The following AQP7B variants were observed in gnomAD, a reference collection of about 807,000 sequenced individuals.
AQP7B encodes the protein aquaporin 7B, also known as putative aquaporin-7B.
At chr2:94,603,617 C>A in the AQP7B span, 5 of 1,309,932 alleles carry the variant, frequency 3.8e-6, no homozygotes, top group South Asian at 1.5e-5. Flanking sequence ...TGTACTGAGA[C>A]GTCTCTCTGC....
the AQP7B span, among the ~76,000 whole-genome samples, chr2:94,602,783 G>C: frequency 4.4e-4 from 67 of 152,276 alleles, no homozygotes; most frequent in Admixed American, 1.0e-3. Flanking sequence ...GTCTGCCCCA[G>C]ATTCTTTCTG....
the AQP7B span, among the ~76,000 whole-genome samples, chr2:94,591,908 C>T: frequency 5.1e-4 from 77 of 152,334 alleles, no homozygotes; most frequent in African/African-American, 1.8e-3. Context: ...TGGGGCAATG[C>T]TCATCACACT....
the AQP7B span, among the ~76,000 whole-genome samples, chr2:94,591,354 G>A: frequency 2.0e-5 from 3 of 152,144 alleles, no homozygotes; most frequent in Admixed American, 6.5e-5. Flanking sequence ...GGACCTGAGG[G>A]CATCGCTGAG....
chr2:94,590,587 C>T, the AQP7B span, among the ~76,000 whole-genome samples: 2 of 152,038 alleles, frequency 1.3e-5, no homozygotes, highest in African/African-American at 4.8e-5. Context: ...TTAGATAATT[C>T]AATGAGTTAA....
the AQP7B span, among the ~76,000 whole-genome samples, chr2:94,591,563 A>T: frequency 6.6e-6 from 1 of 151,992 alleles, no homozygotes; most frequent in Non-Finnish European, 1.5e-5. Flanking sequence ...CTCCTGCTGA[A>T]ATCCTCCACT....
chr2:94,604,374 G>A, the AQP7B span: 13 of 1,611,352 alleles, frequency 8.1e-6, no homozygotes, highest in Admixed American at 1.7e-5. Context: ...GTCTTCATTG[G>A]CTCCACCATC....
chr2:94,602,384 C>A, the AQP7B span: 5 of 1,180,644 alleles, frequency 4.2e-6, no homozygotes, highest in Non-Finnish European at 5.8e-6. Context: ...CCAGGCAATG[C>A]CAGGGAGGCC....
the AQP7B span, among the ~76,000 whole-genome samples, chr2:94,602,116 C>T: frequency 6.6e-6 from 1 of 151,210 alleles, no homozygotes; most frequent in Non-Finnish European, 1.5e-5. Context: ...AAGAAACTTC[C>T]TTCAGGTCAG....
chr2:94,590,036 C>T, the AQP7B span, among the ~76,000 whole-genome samples: 1 of 152,240 alleles, frequency 6.6e-6, no homozygotes, highest in Non-Finnish European at 1.5e-5. Flanking sequence ...CCTCCCATGC[C>T]TCCCCTGAGC....
the AQP7B span, among the ~76,000 whole-genome samples, chr2:94,602,162 A>T: frequency 1.3e-5 from 2 of 151,886 alleles, no homozygotes; most frequent in Non-Finnish European, 2.9e-5. Flanking sequence ...GGTGCAATGC[A>T]TGCCAGCCAT....
chr2:94,600,925 A>T, the AQP7B span, among the ~76,000 whole-genome samples: 1 of 151,794 alleles, frequency 6.6e-6, no homozygotes, highest in East Asian at 1.9e-4. Context: ...ACATGCCCAT[A>T]GTCCCAACTA....
the AQP7B span, among the ~76,000 whole-genome samples, chr2:94,596,616 G>A: frequency 2.6e-5 from 4 of 152,298 alleles, no homozygotes; most frequent in South Asian, 2.1e-4. Context: ...TTAGACCTTC[G>A]TGGGCTTTGG....
the AQP7B span, among the ~76,000 whole-genome samples, chr2:94,596,957 C>T: frequency 2.0e-5 from 3 of 152,168 alleles, no homozygotes; most frequent in African/African-American, 7.2e-5. Context: ...GCCTCGGCCT[C>T]CCAAAGTGCT....
the AQP7B span, among the ~76,000 whole-genome samples, chr2:94,596,611 C>A: frequency 6.6e-6 from 1 of 152,154 alleles, no homozygotes; most frequent in Admixed American, 6.5e-5. Context: ...TAGAATTAGA[C>A]CTTCGTGGGC....
chr2:94,588,973 G>GTTTT, the AQP7B span, among the ~76,000 whole-genome samples: 1 of 140,954 alleles, frequency 7.1e-6, no homozygotes, highest in Middle Eastern at 3.8e-3. Context: ...TTTCTTTTCT[G>GTTTT]TTTTTTTTTC....
chr2:94,602,399 G>C, the AQP7B span: 1 of 1,317,026 alleles, frequency 7.6e-7, no homozygotes, highest in Non-Finnish European at 1.0e-6. Flanking sequence ...GAGGCCCAGG[G>C]CATGGGGGTG....
chr2:94,590,978 A>G, the AQP7B span, among the ~76,000 whole-genome samples: 1 of 151,650 alleles, frequency 6.6e-6, no homozygotes, highest in South Asian at 2.1e-4. Context: ...AGAAAGAAAA[A>G]GAAAAGAAAC....
the AQP7B span, chr2:94,604,471 C>T: frequency 6.2e-6 from 10 of 1,611,374 alleles, no homozygotes; most frequent in African/African-American, 1.2e-4. Context: ...CTCATGAACC[C>T]ATGATCTCTC....
At chr2:94,594,792 C>T in the AQP7B span, 12 of 1,576,486 alleles carry the variant, frequency 7.6e-6, no homozygotes, top group African/African-American at 1.6e-4. Context: ...TAGCAAAGAT[C>T]CAGGAAATAT....
Sources: allele counts gnomAD v4.1 joint callset (sites outside exome capture counted in the v4.1 genomes callset), GRCh38; gene constraint gnomAD v4.1.1; transcripts MANE v1.5; gene names NCBI Gene and HGNC (gene_info 2026-07-23, HGNC 2026-07-21).